The following ABCD3 variants were observed in gnomAD, a reference collection of about 807,000 sequenced individuals.
The protein encoded by ABCD3 is ATP binding cassette subfamily D member 3, also known as ATP-binding cassette sub-family D member 3.
Under a neutral mutation model 105.5 loss-of-function variants are expected in ABCD3, and 41 were observed. The observed-to-expected ratio is 0.39, with a 90% CI of 0.30 to 0.50. The LOEUF (loss-of-function observed/expected upper bound fraction) is 0.50, where lower values mean the gene tolerates loss of function less well. Ranked by LOEUF, ABCD3 falls within the 20% of genes least tolerant of loss-of-function variation. ABCD3 has a pLI of 0.84. For synonymous variants in ABCD3, 258 were observed against 269.0 expected (o/e 0.96, Z 0.40); for missense variants, 622 against 806.3 (o/e 0.77, Z 2.77).
rs369427758 is a variant in ABCD3, at chr1:94,491,203, G to A, written c.1342G>A (p.Ala448Thr). ...CTATAGGTTTGATCATGTTCCTTTA[G>A]CAACGCCAAATGGAGATGTTTTGAT... ...NIIKFDHVPL[A>T]TPNGDVLIRD... Residue 448 changes from alanine to threonine, a missense_variant, in exon 16 of 23, where the codon GCA becomes ACA. Coordinates refer to ENST00000370214, the MANE Select transcript of ABCD3 (RefSeq NM_002858.4). 1 of 1,612,058 alleles carries A rather than the reference G, an allele frequency of 6.2e-7. No homozygotes were observed. Among genetic ancestry groups the A allele is most frequent in the Non-Finnish European group, 8.5e-7 (1 of 1,178,692 alleles).
Position 94,479,580 on chromosome 1 carries a change from A to G in ABCD3, c.685-884A>G, listed in dbSNP as rs368806173. Among the ~76,000 whole-genome samples, 30 of 152,298 alleles carry G rather than the reference A, an allele frequency of 2.0e-4. No homozygotes were observed. In the East Asian group the frequency reaches 5.2e-3, roughly 26 times the overall value. On this transcript the variant is annotated intron_variant, in intron 8 of 22. Coordinates refer to ENST00000370214, the MANE Select transcript of ABCD3 (RefSeq NM_002858.4). ...AGTCAAACAATTATGATGCAGCATG[A>G]TAAAGTTTAGTAATAGAAGTTTCAA...
intron 15 of ABCD3, among the ~76,000 whole-genome samples, chr1:94,490,945 A>G (rs1649506061): frequency 6.6e-6 from 1 of 152,036 alleles, no homozygotes. Context: ...TCTCTTTGAT[A>G]ATAGTCATCC....
At chr1:94,477,287 A>G (rs1032678894) in intron 7 of ABCD3, among the ~76,000 whole-genome samples, 2 of 148,036 alleles carry the variant, frequency 1.4e-5, no homozygotes, top group Non-Finnish European at 3.0e-5. Context: ...GAAACAAGCC[A>G]GTTAACAAAC....
chr1:94,409,478 T>G, the ABCD3 span, among the ~76,000 whole-genome samples: 1 of 152,208 alleles, frequency 6.6e-6, no homozygotes, highest in Admixed American at 6.5e-5. Flanking sequence ...CATAGGCAAT[T>G]GAGACAATAT....
chr1:94,493,514 C>T (rs2101030822), intron 16 of ABCD3, among the ~76,000 whole-genome samples: 1 of 151,620 alleles, frequency 6.6e-6, no homozygotes, highest in African/African-American at 2.4e-5. Flanking sequence ...ACTAGTTCAA[C>T]CATTGTGGAA....
chr1:94,457,610 A>G (rs1315684959), intron 1 of ABCD3, among the ~76,000 whole-genome samples: 1 of 151,400 alleles, frequency 6.6e-6, no homozygotes, highest in East Asian at 1.9e-4. Context: ...CTCTAGAGAC[A>G]CTCCCCTCTC....
intron 1 of ABCD3, among the ~76,000 whole-genome samples, chr1:94,449,851 C>T (rs1331190531): frequency 6.6e-6 from 1 of 152,172 alleles, no homozygotes; most frequent in Admixed American, 6.5e-5. Flanking sequence ...TTCCTATTAT[C>T]TGGAAACATG....
At chr1:94,497,269 G>T (rs1342237127) in intron 16 of ABCD3, among the ~76,000 whole-genome samples, 2 of 151,982 alleles carry the variant, frequency 1.3e-5, no homozygotes, top group Non-Finnish European at 2.9e-5. Context: ...AGAGGTTTTT[G>T]GTTTTTTGTT....
the ABCD3 span, among the ~76,000 whole-genome samples, chr1:94,394,824 G>T: frequency 1.4e-4 from 22 of 152,186 alleles, no homozygotes; most frequent in Non-Finnish European, 2.9e-5. Flanking sequence ...AGTTGGGAGA[G>T]TGTTAGACTG....
the ABCD3 span, among the ~76,000 whole-genome samples, chr1:94,400,236 C>A: frequency 6.6e-6 from 1 of 151,876 alleles, no homozygotes; most frequent in Non-Finnish European, 1.5e-5. Flanking sequence ...AGTGGAAACC[C>A]CATCTCTACT....
chr1:94,501,571 T>A (rs1650101843), intron 20 of ABCD3, among the ~76,000 whole-genome samples: 1 of 152,162 alleles, frequency 6.6e-6, no homozygotes, highest in Non-Finnish European at 1.5e-5. Context: ...GGAAAGTAGG[T>A]ATTAGAATTT....
chr1:94,487,966 A>C lies in ABCD3; in HGVS notation c.1140A>C (p.Glu380Asp). The change falls in exon 13 of 23, where the codon GAA becomes GAC. Residue 380 changes from glutamate (E) to aspartate (D), a missense_variant. Physicochemically the swap from Glu to Asp is conservative, Grantham distance 45. This residue lies in a region of ABCD3 where 285 missense variants were observed against 352.5 expected (regional missense o/e 0.81). Coordinates refer to ENST00000370214, the MANE Select transcript of ABCD3 (RefSeq NM_002858.4). ...ALGRIVLAGR[E>D]MTRLAGFTAR... The stretch of plus-strand genomic sequence containing the variant: ...GTCGAATAGTTTTGGCTGGGCGTGA[A>C]ATGACTAGATTGGCCGGGTAAGATT... 1 of 1,613,520 alleles carries C rather than the reference A, an allele frequency of 6.2e-7. No individual in the cohort carries two copies.
chr1:94,467,447 T>C (rs570127517), intron 3 of ABCD3, among the ~76,000 whole-genome samples: 17 of 152,330 alleles, frequency 1.1e-4, no homozygotes, highest in Admixed American at 2.6e-4. Context: ...CTATTATAAA[T>C]TTTTCTAACA....
rs1651031427 is a variant in ABCD3, at chr1:94,518,511, A to C, written c.*1382A>C. 1 of 152,162 alleles carries C rather than the reference A, an allele frequency of 6.6e-6. No homozygotes were observed. Among genetic ancestry groups the C allele is most frequent in the African/African-American group, 2.4e-5 (1 of 41,394 alleles). 9.4% of individuals were successfully genotyped at this position (152,162 alleles called of 1,614,324 possible). A position where few individuals can be genotyped will look rare whatever the true frequency, so the allele number is the denominator to read the frequency against. On this transcript the variant is annotated 3_prime_UTR_variant, in exon 23 of 23. Transcript: ENST00000370214. ...CTGTTCAGATTAAAAAAAAAAAAAA[A>C]AAACTCAGATATCCTATACAACCTT...
chr1:94,494,682 C>A (rs1649710413), intron 16 of ABCD3, among the ~76,000 whole-genome samples: 1 of 152,118 alleles, frequency 6.6e-6, no homozygotes, highest in Non-Finnish European at 1.5e-5. Context: ...ATAATAAAAA[C>A]TTCTTTGGAA....
chr1:94,494,582 G>A (rs771473136), intron 16 of ABCD3, among the ~76,000 whole-genome samples: 1 of 151,958 alleles, frequency 6.6e-6, no homozygotes, highest in Non-Finnish European at 1.5e-5. Flanking sequence ...CTTTCTCTTG[G>A]AAAGAGGCAT....
At chr1:94,415,718 T>C (rs1014241226), upstream of ABCD3, among the ~76,000 whole-genome samples, 8 of 152,246 alleles carry the variant, frequency 5.3e-5, no homozygotes, top group Non-Finnish European at 1.0e-4. Flanking sequence ...AACTAGAATC[T>C]TGAATCTGCT....
At chr1:94,427,256 A>G (rs1659504246) in intron 1 of ABCD3, among the ~76,000 whole-genome samples, 1 of 152,142 alleles carries the variant, frequency 6.6e-6, no homozygotes, top group African/African-American at 2.4e-5. Context: ...GTGTGAAGGT[A>G]GACCCTAGAA....
chr1:94,494,768 A>G (rs1438958967), intron 16 of ABCD3, among the ~76,000 whole-genome samples: 1 of 152,164 alleles, frequency 6.6e-6, no homozygotes, highest in Non-Finnish European at 1.5e-5. Flanking sequence ...TTATTCTGGG[A>G]AGTATGTAGA....
Sources: gnomAD v4.1 joint callset for allele counts (sites outside exome capture counted in the v4.1 genomes callset) on GRCh38, gnomAD v4.1.1 for gene constraint, gnomAD v4.1.1 regional missense constraint, MANE v1.5 for transcripts, NCBI Gene and HGNC (gene_info 2026-07-23, HGNC 2026-07-21) for gene names.